IGF2BP2: variants seen among roughly 807,000 people sequenced by gnomAD.
IGF2BP2 encodes insulin like growth factor 2 mRNA binding protein 2.
IGF2BP2 carries 17 observed loss-of-function variants against 75.8 expected under a neutral mutation model. The ratio of observed to expected loss-of-function variants is 0.22; its 90% CI spans 0.15 to 0.34. The LOEUF (loss-of-function observed/expected upper bound fraction) is 0.34, where lower values mean the gene tolerates loss of function less well. Among genes scored for constraint, IGF2BP2 ranks in the 10% least tolerant of loss-of-function variants. The probability of loss-of-function intolerance (pLI) is 1.00; values close to 1 mark genes in which losing one functional copy is unlikely to be tolerated. For missense variants in IGF2BP2, 516 were observed against 772.4 expected (o/e 0.67, Z 3.93); for synonymous variants, 288 against 295.6 (o/e 0.97, Z 0.26).
intron 2 of IGF2BP2, among the ~76,000 whole-genome samples, chr3:185,809,505 C>T (rs1458575940): frequency 6.6e-6 from 1 of 152,164 alleles, no homozygotes; most frequent in Non-Finnish European, 1.5e-5. Context: ...TGGCTCATGC[C>T]TGTAGTCCCA....
chr3:185,747,878 C>A (rs371536548), intron 2 of IGF2BP2, among the ~76,000 whole-genome samples: 1 of 132,236 alleles, frequency 7.6e-6, no homozygotes, highest in Non-Finnish European at 1.6e-5. Flanking sequence ...TATTTTGAGA[C>A]GGAGTCTCGC....
At chr3:185,773,171 A>G (rs1194283928) in intron 2 of IGF2BP2, among the ~76,000 whole-genome samples, 1 of 152,144 alleles carries the variant, frequency 6.6e-6, no homozygotes, top group African/African-American at 2.4e-5. Context: ...ACAAACCAAA[A>G]AGATAGCTGG....
intron 2 of IGF2BP2, among the ~76,000 whole-genome samples, chr3:185,817,892 G>C (rs1213793238): frequency 6.6e-6 from 1 of 152,156 alleles, no homozygotes; most frequent in Middle Eastern, 3.2e-3. Flanking sequence ...AATTTAAGAA[G>C]TTAATCATAG....
intron 2 of IGF2BP2, among the ~76,000 whole-genome samples, chr3:185,733,229 G>A (rs1013275297): frequency 1.3e-5 from 2 of 152,272 alleles, no homozygotes; most frequent in Non-Finnish European, 2.9e-5. Context: ...AAAATGTAAA[G>A]TGATTGATAA....
chr3:185,657,286 C>T lies in IGF2BP2; in HGVS notation c.1386G>A (p.Lys462=). ...QLARFAGASI[K]IAPAEGPDVS... is the part of the protein sequence containing the mutation. Reference sequence around the variant, plus strand: ...ACAGGGCCGTCAGGAGCAGCCTCACCTTGATAGAGGCTCCGGCGAATCTCG... The same window carrying T: ...ACAGGGCCGTCAGGAGCAGCCTCACTTTGATAGAGGCTCCGGCGAATCTCG... The change falls in exon 12 of 16, where the codon AAG becomes AAA. Residue 462 remains lysine (K), a splice_region_variant and synonymous_variant. Transcript: ENST00000382199. The T allele has an allele frequency of 6.2e-7, 1 of 1,609,188 alleles. No individual in the cohort carries two copies. The highest frequency in any genetic ancestry group is 8.5e-7 in the Non-Finnish European group (1 of 1,176,288).
chr3:185,820,876 A>G (rs1741288960), intron 2 of IGF2BP2: 2 of 725,414 alleles, frequency 2.8e-6, no homozygotes, highest in East Asian at 5.9e-5. Flanking sequence ...TTCAACTAAC[A>G]CAAAAACCAC....
In IGF2BP2 at chr3:185,675,773, T is replaced by C; in HGVS notation, c.935+18A>G. 3 of 1,611,200 alleles carry C rather than the reference T, an allele frequency of 1.9e-6. No homozygotes were observed. The highest frequency in any genetic ancestry group is 2.5e-6 in the Non-Finnish European group (3 of 1,179,406). On this transcript the variant is annotated intron_variant, in intron 8 of 15. Coordinates refer to ENST00000382199, the MANE Select transcript of IGF2BP2 (RefSeq NM_006548.6). ...GTGTTCCATTATTGGGCATGAGTAA[T>C]CTGAGTAAGTGGCTTACGATGAGAT...
chr3:185,679,597 T>C (rs894621864), intron 7 of IGF2BP2, among the ~76,000 whole-genome samples: 2 of 152,124 alleles, frequency 1.3e-5, no homozygotes, highest in African/African-American at 4.8e-5. Context: ...TTATTTTATG[T>C]TTTATTTTAA....
intron 3 of IGF2BP2, 24 bp downstream of exon 3, chr3:185,698,275 C>T (rs1319872525): frequency 6.2e-7 from 1 of 1,601,354 alleles, no homozygotes; most frequent in South Asian, 1.1e-5. Flanking sequence ...CTCATCAACC[C>T]ATTAAAAATT....
At chr3:185,723,044 C>T (rs529181864) in intron 2 of IGF2BP2, among the ~76,000 whole-genome samples, 4 of 152,078 alleles carry the variant, frequency 2.6e-5, no homozygotes, top group Non-Finnish European at 2.9e-5. Flanking sequence ...ACTGTTGAAA[C>T]GTTTCTCGTT....
intron 2 of IGF2BP2, among the ~76,000 whole-genome samples, chr3:185,747,643 C>T (rs1432158209): frequency 2.0e-5 from 3 of 151,930 alleles, no homozygotes; most frequent in Non-Finnish European, 4.4e-5. Flanking sequence ...CACACCATTG[C>T]ACGCCAGCCT....
intron 2 of IGF2BP2, among the ~76,000 whole-genome samples, chr3:185,699,573 C>T (rs771307309): frequency 3.3e-5 from 5 of 152,230 alleles, no homozygotes; most frequent in African/African-American, 9.6e-5. Context: ...ATGTTATTTG[C>T]GTATCCTTCA....
intron 2 of IGF2BP2, among the ~76,000 whole-genome samples, chr3:185,751,059 A>G (rs1560410008): frequency 6.6e-6 from 1 of 152,046 alleles, no homozygotes; most frequent in Non-Finnish European, 1.5e-5. Flanking sequence ...TCTATTAAAA[A>G]TATATTAGCT....
intron 2 of IGF2BP2, among the ~76,000 whole-genome samples, chr3:185,741,344 T>C (rs976358122): frequency 2.2e-4 from 34 of 152,246 alleles, no homozygotes; most frequent in Non-Finnish European, 1.8e-4. Context: ...AATACCTTGC[T>C]GCAAGCAGAA....
In IGF2BP2 at chr3:185,824,961, C is replaced by G. The variant is rs1326683686; in HGVS notation, c.-1G>C. 2.0e-6 allele frequency: 3 copies of G among 1,519,604 alleles called. No homozygotes were observed. The highest frequency in any genetic ancestry group is 2.7e-6 in the Non-Finnish European group (3 of 1,123,252). 94.1% of individuals were successfully genotyped at this position (1,519,604 alleles called of 1,614,324 possible). On this transcript the variant is annotated 5_prime_UTR_variant, in exon 1 of 16. Coordinates refer to ENST00000382199, the MANE Select transcript of IGF2BP2 (RefSeq NM_006548.6). ...TCCCGATGTAAAGCTTGTTCATCAT[C>G]CGTCTCTTCCCCGAGAGCCCGCGGC...
chr3:185,804,472 T>C (rs184027167), intron 2 of IGF2BP2, among the ~76,000 whole-genome samples: 35 of 152,164 alleles, frequency 2.3e-4, no homozygotes, highest in African/African-American at 7.9e-4. Flanking sequence ...TTCAGAAGTA[T>C]TGATATATAA....
intron 10 of IGF2BP2, among the ~76,000 whole-genome samples, chr3:185,665,087 C>T (rs1717085230): frequency 6.6e-6 from 1 of 150,838 alleles, no homozygotes; most frequent in East Asian, 2.0e-4. Flanking sequence ...ATCACTTGAG[C>T]CCAGGAGTTC....
intron 7 of IGF2BP2, among the ~76,000 whole-genome samples, chr3:185,680,025 G>A (rs1423074987): frequency 2.0e-5 from 3 of 152,018 alleles, no homozygotes; most frequent in African/African-American, 7.3e-5. Flanking sequence ...ACTAAGAGTT[G>A]GTTCTTTGAA....
At chr3:185,708,673 C>G (rs1411945652) in intron 2 of IGF2BP2, among the ~76,000 whole-genome samples, 1 of 152,110 alleles carries the variant, frequency 6.6e-6, no homozygotes, top group Non-Finnish European at 1.5e-5. Context: ...CCAATCAGGG[C>G]AGTGCCCAGC....
Sources: allele counts gnomAD v4.1 joint callset (sites outside exome capture counted in the v4.1 genomes callset), GRCh38; gene constraint gnomAD v4.1.1; transcripts MANE v1.5; gene names NCBI Gene and HGNC (gene_info 2026-07-23, HGNC 2026-07-21).